Variants in CTNNA2 observed in about 807,000 individuals in gnomAD.
CTNNA2 encodes catenin alpha-2.
In CTNNA2, 42 loss-of-function variants were observed where a neutral mutation model predicts 101.0. The ratio of observed to expected loss-of-function variants is 0.42; its 90% CI spans 0.32 to 0.54. CTNNA2 has a LOEUF of 0.54. Among genes scored for constraint, CTNNA2 ranks in the 20% least tolerant of loss-of-function variants. CTNNA2 has a pLI of 0.14. For synonymous variants in CTNNA2, 450 were observed against 456.4 expected (o/e 0.99, Z 0.18); for missense variants, 871 against 1,223.1 (o/e 0.71, Z 4.29).
At chr2:79,487,322 G>A (rs774126477) in intron 4 of CTNNA2, among the ~76,000 whole-genome samples, 1 of 152,058 alleles carries the variant, frequency 6.6e-6, no homozygotes, top group Non-Finnish European at 1.5e-5. Context: ...GATGAATTCC[G>A]CCAATTTGTT....
At chr2:79,638,370 T>C (rs1018248453) in intron 1 of CTNNA2, among the ~76,000 whole-genome samples, 7 of 152,220 alleles carry the variant, frequency 4.6e-5, no homozygotes, top group African/African-American at 1.7e-4. Flanking sequence ...ATTGTTTCTC[T>C]TTTTTACATA....
At chr2:80,518,514 T>C (rs1337869779) in intron 9 of CTNNA2, among the ~76,000 whole-genome samples, 1 of 152,198 alleles carries the variant, frequency 6.6e-6, no homozygotes, top group East Asian at 1.9e-4. Context: ...TTATATTCTG[T>C]TGAGTTTCTG....
intron 2 of CTNNA2, among the ~76,000 whole-genome samples, chr2:79,730,642 C>A (rs918577860): frequency 3.9e-5 from 6 of 151,920 alleles, no homozygotes; most frequent in African/African-American, 1.4e-4. Context: ...ATCTAAAGCT[C>A]CTTTTCATTA....
chr2:80,365,364 A>G (rs1674820017), intron 7 of CTNNA2, among the ~76,000 whole-genome samples: 2 of 152,032 alleles, frequency 1.3e-5, no homozygotes, highest in South Asian at 4.1e-4. Flanking sequence ...CATAAACACA[A>G]CCGCTTGCCC....
intron 4 of CTNNA2, among the ~76,000 whole-genome samples, chr2:79,383,747 TC>T (rs1678066643): frequency 6.6e-6 from 1 of 152,178 alleles, no homozygotes; most frequent in Non-Finnish European, 1.5e-5. Context: ...GGGAACTATT[TC>T]CTGAATTCCA....
chr2:79,198,469 A>AAAT (rs1673991243), intron 2 of CTNNA2, among the ~76,000 whole-genome samples: 1 of 152,214 alleles, frequency 6.6e-6, no homozygotes, highest in Non-Finnish European at 1.5e-5. Context: ...ATCACAAAGA[A>AAAT]AATTTATCCC....
At chr2:79,505,790 C>T (rs576223995) in intron 5 of CTNNA2, among the ~76,000 whole-genome samples, 1 of 152,310 alleles carries the variant, frequency 6.6e-6, no homozygotes, top group Admixed American at 6.5e-5. Flanking sequence ...TGTGCACTCT[C>T]ATTACATTAT....
At chr2:79,399,278 A>G (rs193047766) in intron 4 of CTNNA2, among the ~76,000 whole-genome samples, 113 of 152,238 alleles carry the variant, frequency 7.4e-4, no homozygotes, top group Non-Finnish European at 7.4e-5. Flanking sequence ...AAGCTTTCAC[A>G]TATTCCTGGG....
intron 7 of CTNNA2, among the ~76,000 whole-genome samples, chr2:80,363,196 G>A (rs528411075): frequency 1.3e-4 from 19 of 151,836 alleles, no homozygotes; most frequent in African/African-American, 4.6e-4. Context: ...TTTAGATATG[G>A]TGGAAAACAA....
chr2:80,477,296 C>G (rs115827829), intron 9 of CTNNA2, among the ~76,000 whole-genome samples: 1 of 152,114 alleles, frequency 6.6e-6, no homozygotes, highest in Admixed American at 6.6e-5. Context: ...ACAGTCAATA[C>G]TAACTGATTG....
chr2:79,893,996 CTTCTTCTTCTTCT>C (rs1684494447), intron 6 of CTNNA2, among the ~76,000 whole-genome samples: 2 of 52,080 alleles, frequency 3.8e-5, no homozygotes, highest in African/African-American at 1.1e-4. Flanking sequence ...CTGTTTTCTT[CTTCTTCTTCTTCT>C]TCTTCTTCTT....
chr2:80,398,248 A>G (rs992478690), intron 8 of CTNNA2, among the ~76,000 whole-genome samples: 2 of 152,218 alleles, frequency 1.3e-5, no homozygotes, highest in African/African-American at 4.8e-5. Context: ...TGCTCATGAT[A>G]GGGCCAATTA....
chr2:79,720,825 A>T (rs892706512), intron 2 of CTNNA2, among the ~76,000 whole-genome samples: 2 of 152,080 alleles, frequency 1.3e-5, no homozygotes, highest in African/African-American at 4.8e-5. Context: ...TTCAGGGAAG[A>T]TAGTTTTATT....
intron 7 of CTNNA2, among the ~76,000 whole-genome samples, chr2:80,000,191 G>A (rs1347298): frequency 6.6e-6 from 1 of 151,986 alleles, no homozygotes; most frequent in Non-Finnish European, 1.5e-5. Context: ...TTCCCTTTAA[G>A]AGCATGTTTT....
At chr2:80,497,771 C>T (rs1301441928) in intron 9 of CTNNA2, among the ~76,000 whole-genome samples, 1 of 152,172 alleles carries the variant, frequency 6.6e-6, no homozygotes, top group African/African-American at 2.4e-5. Context: ...GGGGAAGGAA[C>T]AGTGGGAAGC....
At chr2:80,054,597 C>T (rs573895723) in intron 7 of CTNNA2, among the ~76,000 whole-genome samples, 1 of 152,268 alleles carries the variant, frequency 6.6e-6, no homozygotes, top group South Asian at 2.1e-4. Context: ...CTACTGGTCC[C>T]ACCTCTCCAC....
chr2:80,155,440 C>T (rs1282770443), intron 7 of CTNNA2, among the ~76,000 whole-genome samples: 1 of 152,242 alleles, frequency 6.6e-6, no homozygotes, highest in Non-Finnish European at 1.5e-5. Flanking sequence ...ATGAGGAACA[C>T]TGTTTCTGCC....
intron 18 of CTNNA2, among the ~76,000 whole-genome samples, chr2:80,622,794 C>T (rs540920057): frequency 1.3e-5 from 2 of 151,810 alleles, no homozygotes; most frequent in East Asian, 3.9e-4. Flanking sequence ...TTCTAAAAGA[C>T]TGGAATTCCA....
chr2:79,745,388 G>A (rs925153851), intron 3 of CTNNA2, among the ~76,000 whole-genome samples: 1 of 151,690 alleles, frequency 6.6e-6, no homozygotes, highest in African/African-American at 2.4e-5. Flanking sequence ...CCAAGATCGC[G>A]CCGCTGCACT....
Sources: allele counts gnomAD v4.1 joint callset (sites outside exome capture counted in the v4.1 genomes callset), GRCh38; gene constraint gnomAD v4.1.1; transcripts MANE v1.5; gene names NCBI Gene and HGNC (gene_info 2026-07-23, HGNC 2026-07-21).